ASAP1: variants seen among roughly 807,000 people sequenced by gnomAD.
ASAP1 encodes ArfGAP with SH3 domain, ankyrin repeat and PH domain 1.
In ASAP1, 43 loss-of-function variants were observed where a neutral mutation model predicts 145.2. The ratio of observed to expected loss-of-function variants is 0.30; its 90% CI spans 0.23 to 0.38. ASAP1 has a LOEUF of 0.38. Among genes scored for constraint, ASAP1 ranks in the 10% least tolerant of loss-of-function variants. The pLI is 1.00. For missense variants in ASAP1, 1,018 were observed against 1,355.3 expected, an observed-to-expected ratio of 0.75 and a Z score of 3.91; for synonymous variants, 546 against 515.5, an observed-to-expected ratio of 1.06 and a Z score of -0.80.
intron 1 of ASAP1, among the ~76,000 whole-genome samples, chr8:130,417,770 C>T (rs1313132855): frequency 1.3e-5 from 2 of 152,104 alleles, no homozygotes; most frequent in Non-Finnish European, 2.9e-5. Flanking sequence ...TATTTCTGTT[C>T]AGGGGAAGGA....
chr8:130,287,594 T>C (rs541385870), intron 3 of ASAP1, among the ~76,000 whole-genome samples: 2 of 152,262 alleles, frequency 1.3e-5, no homozygotes, highest in African/African-American at 4.8e-5. Context: ...CCACAAAGCC[T>C]AACAGCCAAG....
At chr8:130,128,160 T>A in intron 15 of ASAP1, 70 bp from the exon 16 acceptor site, 1 of 843,878 alleles carries the variant, frequency 1.2e-6, no homozygotes, top group Non-Finnish European at 1.5e-6. Flanking sequence ...TTTTTTTTTT[T>A]TTTTGCCACT....
chr8:130,242,925 T>C (rs1210923557), intron 3 of ASAP1, among the ~76,000 whole-genome samples: 1 of 152,156 alleles, frequency 6.6e-6, no homozygotes, highest in African/African-American at 2.4e-5. Flanking sequence ...TGCATGTGCA[T>C]AGATTTTGGT....
chr8:130,226,695 A>G (rs1183375913), intron 4 of ASAP1, among the ~76,000 whole-genome samples: 1 of 152,228 alleles, frequency 6.6e-6, no homozygotes, highest in Non-Finnish European at 1.5e-5. Context: ...TAAATAACAG[A>G]GCCCCAAGAA....
chr8:130,417,181 C>T (rs1829517947), intron 1 of ASAP1, among the ~76,000 whole-genome samples: 2 of 88,566 alleles, frequency 2.3e-5, no homozygotes, highest in South Asian at 5.6e-4. Flanking sequence ...CAGAAAACAA[C>T]CCACGTACAA....
intron 7 of ASAP1, among the ~76,000 whole-genome samples, chr8:130,183,351 T>C (rs998601301): frequency 4.6e-5 from 7 of 152,094 alleles, no homozygotes; most frequent in African/African-American, 1.2e-4. Context: ...ATTATTGTTA[T>C]TATTTTTGAG....
At chr8:130,180,704 C>CACAGTTATTATA (rs1565058555) in intron 8 of ASAP1, 47 bp downstream of exon 8, 1 of 1,584,010 alleles carries the variant, frequency 6.3e-7, no homozygotes, top group Non-Finnish European at 8.6e-7. Flanking sequence ...AGGAAAAGAT[C>CACAGTTATTATA]ACAGTTGTTA....
At chr8:130,188,041 T>C (rs1049814128) in intron 6 of ASAP1, 68 bp downstream of exon 6, 4 of 1,130,740 alleles carry the variant, frequency 3.5e-6, no homozygotes, top group Non-Finnish European at 4.0e-6. Flanking sequence ...ACTACTATGA[T>C]CTTGAAAGAG....
At chr8:130,068,795 T>G (rs965319358) in intron 27 of ASAP1, among the ~76,000 whole-genome samples, 1 of 152,200 alleles carries the variant, frequency 6.6e-6, no homozygotes, top group African/African-American at 2.4e-5. Context: ...TCTGTATGCA[T>G]GTGGGACTGG....
At position 130,088,580 on chromosome 8, in the gene ASAP1, A is replaced by C. The variant is rs146525740; in HGVS notation, c.2572+3393T>G. On this transcript the variant is annotated intron_variant, in intron 25 of 29. Coordinates refer to ENST00000518721, the MANE Select transcript of ASAP1 (RefSeq NM_018482.4). Reference sequence around the variant, plus strand: ...AGAAGCTGAGAGAGGCAAGAAACAGATTCTTCCCACAGGGCCTCTGGAGGG... The same window carrying C: ...AGAAGCTGAGAGAGGCAAGAAACAGCTTCTTCCCACAGGGCCTCTGGAGGG... Among the ~76,000 whole-genome samples the C allele has an allele frequency of 2.8e-3, 433 of 152,296 alleles. 1 individual carries two copies. Among genetic ancestry groups the C allele is most frequent in the African/African-American group, 0.01 (419 of 41,566 alleles).
chr8:130,234,567 T>A (rs1818100259), intron 4 of ASAP1, among the ~76,000 whole-genome samples: 1 of 152,060 alleles, frequency 6.6e-6, no homozygotes, highest in African/African-American at 2.4e-5. Context: ...ATCAAGGAAA[T>A]CCTTTAAAGA....
chr8:130,153,496 A>T (rs2097651910), intron 12 of ASAP1, among the ~76,000 whole-genome samples: 1 of 150,880 alleles, frequency 6.6e-6, no homozygotes, highest in African/African-American at 2.4e-5. Flanking sequence ...CAACCTCCAG[A>T]GTAGCTGGGA....
intron 3 of ASAP1, among the ~76,000 whole-genome samples, chr8:130,256,337 C>T (rs1433480862): frequency 6.7e-6 from 1 of 149,106 alleles, no homozygotes. Flanking sequence ...TTGTCCCTAG[C>T]TCATACATTC....
At chr8:130,136,633 G>C (rs550100262) in intron 14 of ASAP1, among the ~76,000 whole-genome samples, 4 of 151,774 alleles carry the variant, frequency 2.6e-5, no homozygotes, top group Non-Finnish European at 4.4e-5. Context: ...AGACAGAAAT[G>C]GGAATATACT....
chr8:130,174,336 C>T (rs1358645024), intron 9 of ASAP1, among the ~76,000 whole-genome samples: 2 of 152,186 alleles, frequency 1.3e-5, no homozygotes, highest in African/African-American at 4.8e-5. Flanking sequence ...CCTATCACTA[C>T]ACTTAACACA....
intron 3 of ASAP1, among the ~76,000 whole-genome samples, chr8:130,262,475 T>A (rs919918524): frequency 1.5e-5 from 2 of 131,680 alleles, no homozygotes; most frequent in Admixed American, 8.0e-5. Context: ...GAATTTCAGA[T>A]AGGTTAGACA....
chr8:130,246,068 C>G (rs1262752221), intron 3 of ASAP1, among the ~76,000 whole-genome samples: 1 of 152,008 alleles, frequency 6.6e-6, no homozygotes, highest in Non-Finnish European at 1.5e-5. Flanking sequence ...ATGAAGCACA[C>G]TCCTCTCAAT....
intron 3 of ASAP1, among the ~76,000 whole-genome samples, chr8:130,296,886 G>T (rs1255509171): frequency 1.3e-5 from 2 of 152,118 alleles, no homozygotes; most frequent in Non-Finnish European, 2.9e-5. Flanking sequence ...CTGGCCAGGG[G>T]TTCTTATTTA....
chr8:130,095,692 C>T (rs2097516129), intron 24 of ASAP1, among the ~76,000 whole-genome samples: 2 of 150,598 alleles, frequency 1.3e-5, no homozygotes, highest in Admixed American at 1.3e-4. Flanking sequence ...AATCTCGGCT[C>T]ACTGCAACTT....
Sources: gnomAD v4.1 joint callset for allele counts (sites outside exome capture counted in the v4.1 genomes callset) on GRCh38, gnomAD v4.1.1 for gene constraint, MANE v1.5 for transcripts, NCBI Gene and HGNC (gene_info 2026-07-23, HGNC 2026-07-21) for gene names.